The following ANO2 variants were observed in gnomAD, a reference collection of about 807,000 sequenced individuals.
ANO2 encodes the protein anoctamin 2.
In ANO2, 101 loss-of-function variants were observed where a neutral mutation model predicts 124.2. That is an observed-to-expected ratio of 0.81 (90% CI 0.69 to 0.96). ANO2 has a LOEUF of 0.96. Among genes scored for constraint, ANO2 ranks in the 40% least tolerant of loss-of-function variants. ANO2 has a pLI of 0.00. For missense variants in ANO2, 1,293 were observed against 1,274.5 expected (o/e 1.01, Z -0.22); for synonymous variants, 486 against 482.5 (o/e 1.01, Z -0.09).
intron 14 of ANO2, among the ~76,000 whole-genome samples, chr12:5,684,437 T>C (rs1358463047): frequency 6.6e-6 from 1 of 152,208 alleles, no homozygotes; most frequent in African/African-American, 2.4e-5. Flanking sequence ...AGTCAGTGCA[T>C]GGACCTCGGA....
intron 10 of ANO2, among the ~76,000 whole-genome samples, chr12:5,796,066 T>C (rs1047487907): frequency 2.6e-5 from 4 of 152,040 alleles, no homozygotes; most frequent in African/African-American, 9.7e-5. Flanking sequence ...TGGATTGGGG[T>C]GCACTCACTC....
At chr12:5,578,684 C>A (rs987620809) in intron 20 of ANO2, among the ~76,000 whole-genome samples, 166 bp from the exon 21 acceptor site, 3 of 152,186 alleles carry the variant, frequency 2.0e-5, no homozygotes, top group African/African-American at 7.2e-5. Context: ...GTATTTCTTT[C>A]TAAGTACCTG....
rs147516235 is a variant in ANO2, at chr12:5,910,249, G to A, written c.534+10791C>T. Among the ~76,000 whole-genome samples the A allele has an allele frequency of 7.6e-3, 1,164 of 152,234 alleles. 14 individuals carry two copies. Among genetic ancestry groups the A allele is most frequent in the African/African-American group, 0.026 (1,093 of 41,536 alleles). On this transcript the variant is annotated intron_variant, in intron 3 of 24. Transcript: ENST00000682330. Reference sequence around the variant, plus strand: ...GGCTGGAGTGCAGTGGCACAATCTCGGCTGACTGCAATCTCTGCCTCCTGG... The same window carrying A: ...GGCTGGAGTGCAGTGGCACAATCTCAGCTGACTGCAATCTCTGCCTCCTGG...
rs554567630 is a variant in ANO2 at position 5,614,987 on chromosome 12, G to A, written c.1928+199C>T. Among the ~76,000 whole-genome samples the A allele has an allele frequency of 5.3e-5, 8 of 152,296 alleles. No homozygotes were observed. The East Asian group carries it at 5.8e-4, about 11-fold the overall frequency. Reference sequence around the variant, plus strand: ...AGCCAAATCCCTGTAAAGTGCCAGGGTCATCAGAGTCTGAAGATGCTAATT... The same window carrying A: ...AGCCAAATCCCTGTAAAGTGCCAGGATCATCAGAGTCTGAAGATGCTAATT... On this transcript the variant is annotated intron_variant, in intron 17 of 24. Transcript: ENST00000682330.
chr12:5,742,138 C>T (rs910553519), intron 12 of ANO2, among the ~76,000 whole-genome samples: 2 of 152,150 alleles, frequency 1.3e-5, no homozygotes, highest in Admixed American at 6.5e-5. Flanking sequence ...CCGCCCCTTC[C>T]GCTGCCACCA....
chr12:5,857,147 G>C (rs1955122746), intron 3 of ANO2, among the ~76,000 whole-genome samples: 3 of 152,158 alleles, frequency 2.0e-5, no homozygotes, highest in Admixed American at 2.0e-4. Flanking sequence ...TAAACCTGAA[G>C]GTTAACATGT....
Position 5,635,396 on chromosome 12 carries a change from C to A in ANO2, c.1621-49G>T, listed in dbSNP as rs1171426971. ...TACACATCAGCCGGCAATTACCGAGCACCTACTATTTGCTCTGCCAACAGT... is the reference window on the plus strand; with the variant it reads ...TACACATCAGCCGGCAATTACCGAGAACCTACTATTTGCTCTGCCAACAGT... On this transcript the variant is annotated intron_variant, in intron 15 of 24. Coordinates refer to ENST00000682330, the MANE Select transcript of ANO2 (RefSeq NM_001364791.2). This position sits in a 1 kb window ranked among gnomAD's most constrained non-coding sequence, Gnocchi z 5.2. The A allele has an allele frequency of 2.8e-6, 4 of 1,420,372 alleles. No individual in the cohort carries two copies. Among genetic ancestry groups the A allele is most frequent in the African/African-American group, 2.9e-5 (2 of 69,516 alleles). The allele number at this position is 1,420,372 out of a possible 1,614,324, so 88.0% of individuals were successfully genotyped here. A position where few individuals can be genotyped will look rare whatever the true frequency, so the allele number is the denominator to read the frequency against.
intron 3 of ANO2, among the ~76,000 whole-genome samples, chr12:5,891,425 T>C (rs926642135): frequency 6.6e-6 from 1 of 152,134 alleles, no homozygotes; most frequent in Non-Finnish European, 1.5e-5. Flanking sequence ...CAGACACAGG[T>C]GCAGTTTTGG....
chr12:5,690,194 C>T (rs1234986250), intron 14 of ANO2, among the ~76,000 whole-genome samples: 3 of 152,194 alleles, frequency 2.0e-5, no homozygotes, highest in African/African-American at 7.2e-5. Flanking sequence ...CGGACACCAA[C>T]ACACTACAGG....
At chr12:5,695,043 T>G (rs1162602365) in intron 14 of ANO2, among the ~76,000 whole-genome samples, 1 of 152,198 alleles carries the variant, frequency 6.6e-6, no homozygotes, top group East Asian at 1.9e-4. Flanking sequence ...GTCTGCTGAA[T>G]AGTTCCTCAA....
intron 4 of ANO2, among the ~76,000 whole-genome samples, chr12:5,849,364 T>C (rs886963057): frequency 3.3e-5 from 5 of 152,196 alleles, no homozygotes; most frequent in African/African-American, 1.2e-4. Context: ...AAACGGAGTG[T>C]TCATTCATAT....
chr12:5,652,280 T>G (rs975781147), intron 14 of ANO2, among the ~76,000 whole-genome samples: 1 of 152,192 alleles, frequency 6.6e-6, no homozygotes, highest in Non-Finnish European at 1.5e-5. Flanking sequence ...TAATTTAGAA[T>G]AGTTTTAGAC....
At chr12:5,647,449 T>C (rs972313380) in intron 15 of ANO2, among the ~76,000 whole-genome samples, 9 of 152,222 alleles carry the variant, frequency 5.9e-5, no homozygotes, top group African/African-American at 2.2e-4. Context: ...AACAGGCTGC[T>C]GCAATTGCAG....
rs149141611 is a variant in ANO2 at position 5,752,548 on chromosome 12, A to G, written c.1056-1578T>C. Among the ~76,000 whole-genome samples the G allele has an allele frequency of 3.7e-3, 560 of 152,104 alleles. 2 individuals carry two copies. The highest frequency in any genetic ancestry group is 5.2e-3 in the Non-Finnish European group (352 of 67,928). On this transcript the variant is annotated intron_variant, in intron 10 of 24. Transcript: ENST00000682330. ...TTTAGGTCCTTTACTTAATTTTTTTATCAGGCTATTTGGTTTTTTGTGTGT... is the reference window on the plus strand; with the variant it reads ...TTTAGGTCCTTTACTTAATTTTTTTGTCAGGCTATTTGGTTTTTTGTGTGT...
intron 10 of ANO2, among the ~76,000 whole-genome samples, chr12:5,782,551 C>T (rs1952430622): frequency 6.6e-6 from 1 of 152,158 alleles, no homozygotes; most frequent in African/African-American, 2.4e-5. Context: ...TATTGTCTAA[C>T]ATCTGAAAAC....
Position 5,712,809 on chromosome 12 carries a change from A to G in ANO2, c.1545+19711T>C, listed in dbSNP as rs145269895. On this transcript the variant is annotated intron_variant, in intron 14 of 24. Transcript: ENST00000682330. ...AGGTTCCAAGCAAAGAGGCTTTTGCATGTGCACAGCCACCAACGCATGACA... is the reference window on the plus strand; with the variant it reads ...AGGTTCCAAGCAAAGAGGCTTTTGCGTGTGCACAGCCACCAACGCATGACA... Among the ~76,000 whole-genome samples the G allele has an allele frequency of 1.6e-4, 25 of 152,270 alleles. No homozygotes were observed. The East Asian group carries it at 4.2e-3, about 26-fold the overall frequency.
chr12:5,882,916 G>A (rs954920299), intron 3 of ANO2, among the ~76,000 whole-genome samples: 1 of 152,174 alleles, frequency 6.6e-6, no homozygotes, highest in African/African-American at 2.4e-5. Flanking sequence ...GAAACAGAGG[G>A]GAAATTATGA....
In ANO2 at chr12:5,724,769, T is replaced by G. The variant is rs116075324; in HGVS notation, c.1545+7751A>C. ...GCAGTGCTCAACATAAAACATTCAT[T>G]AAATGAGCACTGCAGGTGGCTTAGG... is the stretch of plus-strand genomic sequence containing the variant. On this transcript the variant is annotated intron_variant, in intron 14 of 24. Coordinates refer to ENST00000682330, the MANE Select transcript of ANO2 (RefSeq NM_001364791.2). Among the ~76,000 whole-genome samples the G allele has an allele frequency of 4.9e-3, 750 of 152,188 alleles. 7 individuals are homozygous for G. Among genetic ancestry groups the G allele is most frequent in the African/African-American group, 0.016 (684 of 41,534 alleles).
At position 5,923,104 on chromosome 12, in the gene ANO2, A is replaced by G. The variant is rs1349749725; in HGVS notation, c.23-300T>C. ...CATACACACACACACGCACACACAT[A>G]CACACACATGCACGCACACACACCC... On this transcript the variant is annotated intron_variant, in intron 1 of 24. Transcript: ENST00000682330. Among the ~76,000 whole-genome samples the G allele has an allele frequency of 9.4e-5, 6 of 63,568 alleles. 1 individual carries two copies. Among genetic ancestry groups the G allele is most frequent in the African/African-American group, 1.9e-4 (5 of 27,026 alleles). 41.7% of individuals were successfully genotyped at this position (63,568 alleles called of 152,430 possible).
Sources: allele counts gnomAD v4.1 joint callset (sites outside exome capture counted in the v4.1 genomes callset), GRCh38; gene constraint gnomAD v4.1.1; non-coding constraint Gnocchi (gnomAD v3.1); transcripts MANE v1.5; gene names NCBI Gene and HGNC (gene_info 2026-07-23, HGNC 2026-07-21).